Variants in PPFIA2 observed in about 807,000 individuals in gnomAD.
PPFIA2 encodes liprin-alpha-2.
PPFIA2 carries 46 observed loss-of-function variants against 175.5 expected under a neutral mutation model. That is an observed-to-expected ratio of 0.26 (90% CI 0.21 to 0.34). The LOEUF (loss-of-function observed/expected upper bound fraction) is 0.34. Among genes scored for constraint, PPFIA2 ranks in the 10% least tolerant of loss-of-function variants. The pLI is 1.00. For missense variants in PPFIA2, 1,179 were observed against 1,506.1 expected (o/e 0.78, Z 3.60); for synonymous variants, 568 against 511.4 (o/e 1.11, Z -1.49).
chr12:81,643,741 T>C (rs1567695552), intron 4 of PPFIA2, among the ~76,000 whole-genome samples: 1 of 152,052 alleles, frequency 6.6e-6, no homozygotes, highest in Admixed American at 6.5e-5. Flanking sequence ...AAACAATATA[T>C]AATTTCATTA....
chr12:81,313,201 T>C (rs764525714), intron 22 of PPFIA2, among the ~76,000 whole-genome samples: 1 of 152,132 alleles, frequency 6.6e-6, no homozygotes, highest in Non-Finnish European at 1.5e-5. Flanking sequence ...GAGAGTATTG[T>C]TTTAAAAATA....
intron 22 of PPFIA2, among the ~76,000 whole-genome samples, chr12:81,305,996 C>T (rs76582518): frequency 0.019 from 2,927 of 152,232 alleles, 68 homozygotes; most frequent in East Asian, 0.085. Flanking sequence ...CTTTAGCATG[C>T]TATTCTGGGA....
chr12:81,550,141 GC>G (rs1296766170), intron 4 of PPFIA2, among the ~76,000 whole-genome samples: 1 of 151,860 alleles, frequency 6.6e-6, no homozygotes, highest in Non-Finnish European at 1.5e-5. Flanking sequence ...AAAAATCTCT[GC>G]CCTTTCGAAA....
chr12:81,502,926 C>T (rs2060742893), intron 4 of PPFIA2, among the ~76,000 whole-genome samples: 1 of 152,084 alleles, frequency 6.6e-6, no homozygotes. Flanking sequence ...GTTTGGAATG[C>T]CTCCTCTAGG....
At position 81,358,160 on chromosome 12, in the gene PPFIA2, G is replaced by C. The variant is rs762792138; in HGVS notation, c.1695C>G (p.Ser565Arg). The C allele has an allele frequency of 6.3e-7, 1 of 1,598,204 alleles. No homozygotes were observed. Among genetic ancestry groups the C allele is most frequent in the Admixed American group, 1.7e-5 (1 of 58,272 alleles). Residue 565 changes from serine (S) to arginine (R), a missense_variant, in exon 16 of 33, where the codon AGC becomes AGG. Ser to Arg is a moderately radical substitution (Grantham distance 110). Coordinates refer to ENST00000549396, the MANE Select transcript of PPFIA2 (RefSeq NM_003625.5). ...CTTTAGTTGTTCTGTAATCAGACTG[G>C]CTGTCCACTAGGGATCCCACTGAGT... ...LRYSVGSLVD[S>R]QSDYRTTKVI...
At chr12:81,665,076 T>C (rs2069874809) in intron 4 of PPFIA2, among the ~76,000 whole-genome samples, 2 of 151,910 alleles carry the variant, frequency 1.3e-5, no homozygotes, top group African/African-American at 2.4e-5. Context: ...TTAGGAGATA[T>C]ACCTAATGTA....
intron 22 of PPFIA2, among the ~76,000 whole-genome samples, chr12:81,307,939 T>C (rs1292433259): frequency 6.9e-6 from 1 of 144,868 alleles, no homozygotes; most frequent in Non-Finnish European, 1.5e-5. Flanking sequence ...AACTTTAACT[T>C]ATCCTTCAGA....
intron 17 of PPFIA2, 31 bp downstream of exon 17, chr12:81,353,088 T>C (rs775919858): frequency 6.3e-7 from 1 of 1,582,232 alleles, no homozygotes; most frequent in Non-Finnish European, 8.7e-7. Flanking sequence ...TCTTCTAATT[T>C]CTTGAAATCA....
intron 4 of PPFIA2, among the ~76,000 whole-genome samples, chr12:81,550,137 C>A (rs2067665032): frequency 6.6e-6 from 1 of 151,878 alleles, no homozygotes; most frequent in African/African-American, 2.4e-5. Context: ...TGACAAAAAT[C>A]TCTGCCCTTT....
chr12:81,386,360 G>A (rs763274671), intron 8 of PPFIA2, among the ~76,000 whole-genome samples: 2 of 151,584 alleles, frequency 1.3e-5, no homozygotes, highest in African/African-American at 4.8e-5. Flanking sequence ...GTGGTGGCTG[G>A]CTCTTGTAAT....
chr12:81,301,127 G>T (rs541832635), intron 22 of PPFIA2, among the ~76,000 whole-genome samples: 1 of 152,082 alleles, frequency 6.6e-6, no homozygotes, highest in Non-Finnish European at 1.5e-5. Flanking sequence ...AGCTGGCTTC[G>T]AAGGGCAGGT....
intron 4 of PPFIA2, among the ~76,000 whole-genome samples, chr12:81,521,288 C>G (rs1797838395): frequency 6.6e-6 from 1 of 151,878 alleles, no homozygotes; most frequent in Non-Finnish European, 1.5e-5. Flanking sequence ...CTTTAACAGC[C>G]CCTCACAAAT....
At chr12:81,687,872 G>A (rs2074661015) in intron 3 of PPFIA2, among the ~76,000 whole-genome samples, 2 of 151,776 alleles carry the variant, frequency 1.3e-5, no homozygotes, top group Admixed American at 1.3e-4. Flanking sequence ...GTACAGTCTA[G>A]TTACACATGT....
intron 4 of PPFIA2, among the ~76,000 whole-genome samples, chr12:81,527,902 G>T (rs951664113): frequency 1.3e-5 from 2 of 152,034 alleles, no homozygotes; most frequent in African/African-American, 4.8e-5. Flanking sequence ...CACCAAATCT[G>T]CTGACACTTT....
At chr12:81,637,535 T>C in intron 4 of PPFIA2, among the ~76,000 whole-genome samples, 1 of 152,086 alleles carries the variant, frequency 6.6e-6, no homozygotes, top group African/African-American at 2.4e-5. Flanking sequence ...TCCCCTCACA[T>C]GGAATCATTT....
intron 4 of PPFIA2, among the ~76,000 whole-genome samples, chr12:81,492,124 A>AT (rs538389413): frequency 2.1e-4 from 31 of 150,528 alleles, no homozygotes; most frequent in Non-Finnish European, 2.5e-4. Flanking sequence ...TAGCTTCACC[A>AT]TTTTTTTTTA....
At chr12:81,569,819 G>A (rs1444440779) in intron 4 of PPFIA2, among the ~76,000 whole-genome samples, 1 of 151,526 alleles carries the variant, frequency 6.6e-6, no homozygotes, top group Non-Finnish European at 1.5e-5. Context: ...GGAAGTAAGT[G>A]CTATTATTGT....
At chr12:81,548,953 A>C (rs2067432833) in intron 4 of PPFIA2, among the ~76,000 whole-genome samples, 1 of 152,206 alleles carries the variant, frequency 6.6e-6, no homozygotes, top group Non-Finnish European at 1.5e-5. Flanking sequence ...ATGCAAAGAC[A>C]ATATTTGTGT....
rs376416224 is a variant in PPFIA2 at position 81,321,055 on chromosome 12, C to CAG, written c.2642+4720_2642+4721dup. Among the ~76,000 whole-genome samples, 1,435 of 148,742 alleles carry CAG rather than the reference C, an allele frequency of 9.6e-3. 28 individuals carry two copies. Among genetic ancestry groups the CAG allele is most frequent in the African/African-American group, 0.032 (1,298 of 40,430 alleles). On this transcript the variant is annotated intron_variant, in intron 22 of 32. Coordinates refer to ENST00000549396, the MANE Select transcript of PPFIA2 (RefSeq NM_003625.5). ...ATAAAGCAAAAATAAATAAATAAAACAGAGAGAGAGAGAGAGAGGAAAAAG... is the reference window on the plus strand; with the variant it reads ...ATAAAGCAAAAATAAATAAATAAAACAGAGAGAGAGAGAGAGAGAGGAAAAAG...
Sources: allele counts gnomAD v4.1 joint callset (sites outside exome capture counted in the v4.1 genomes callset), GRCh38; gene constraint gnomAD v4.1.1; transcripts MANE v1.5; gene names NCBI Gene and HGNC (gene_info 2026-07-23, HGNC 2026-07-21).